Variants in SCFD1 observed in about 807,000 individuals in gnomAD.
The protein encoded by SCFD1 is sec1 family domain-containing protein 1.
In SCFD1, 37 loss-of-function variants were observed where a neutral mutation model predicts 103.2. The observed-to-expected ratio is 0.36, with a 90% CI of 0.28 to 0.47. The LOEUF is 0.47. SCFD1 is among the 20% of genes least tolerant of loss of function. SCFD1 has a pLI of 1.00. For missense variants in SCFD1, 639 were observed against 761.2 expected (o/e 0.84, Z 1.89); for synonymous variants, 264 against 245.0 (o/e 1.08, Z -0.73).
intron 4 of SCFD1, 128 bp from the exon 5 acceptor site, chr14:30,637,997 G>T: frequency 8.2e-7 from 1 of 1,225,288 alleles, no homozygotes. Context: ...TTTTCTCTTG[G>T]GATACTTTTT....
chr14:30,665,535 C>A (rs1594647059), intron 10 of SCFD1, among the ~76,000 whole-genome samples: 1 of 152,144 alleles, frequency 6.6e-6, no homozygotes, highest in African/African-American at 2.4e-5. Flanking sequence ...CAAATTCACA[C>A]ATAATAATAT....
intron 23 of SCFD1, among the ~76,000 whole-genome samples, chr14:30,724,677 A>C (rs900705176): frequency 2.0e-5 from 3 of 152,170 alleles, no homozygotes; most frequent in African/African-American, 7.2e-5. Context: ...TTTGCTATGT[A>C]GAAGCTCTTT....
intron 13 of SCFD1, among the ~76,000 whole-genome samples, chr14:30,674,609 T>C (rs1445279926): frequency 1.3e-5 from 2 of 151,786 alleles, no homozygotes; most frequent in African/African-American, 4.8e-5. Flanking sequence ...GATAGCACCA[T>C]TGCACTCCAG....
rs1344068947 is a variant in SCFD1 at position 30,731,568 on chromosome 14, A to G, written c.1837-3222A>G. The stretch of plus-strand genomic sequence containing the variant: ...AGTTCTCCTTGAAGAGGTCCTTCAC[A>G]TCCCTTGTAAGTTGGATTCCTAGGT... On this transcript the variant is annotated intron_variant, in intron 23 of 24. Coordinates refer to ENST00000458591, the MANE Select transcript of SCFD1 (RefSeq NM_016106.4). Among the ~76,000 whole-genome samples the G allele has an allele frequency of 2.6e-5, 4 of 152,116 alleles. No homozygotes were observed. The East Asian group carries it at 7.7e-4, about 29-fold the overall frequency.
intron 10 of SCFD1, chr14:30,658,275 G>T: frequency 1.2e-5 from 2 of 170,806 alleles, no homozygotes; most frequent in East Asian, 3.1e-4. Context: ...TAGACATAGG[G>T]ACTTTAATTA....
rs762608082 is a variant in SCFD1 at position 30,670,261 on chromosome 14, C to T, written c.861C>T (p.Phe287=). ...YQALVHDVLD[F]HLNRVNLEES... ...ACAAGATTACTTTTTCCTAGGATTT[C>T]CATTTAAACAGGGTTAATTTGGAAG... Residue 287 remains phenylalanine, a synonymous_variant, in exon 11 of 25, where the codon TTC becomes TTT. Transcript: ENST00000458591. 11 of 1,580,630 alleles carry T rather than the reference C, an allele frequency of 7.0e-6. No homozygotes were observed. The highest frequency in any genetic ancestry group is 9.4e-6 in the Non-Finnish European group (11 of 1,167,768).
chr14:30,728,822 T>A (rs1893232877), intron 23 of SCFD1, among the ~76,000 whole-genome samples: 1 of 151,504 alleles, frequency 6.6e-6, no homozygotes, highest in Non-Finnish European at 1.5e-5. Context: ...GAAATGTCTG[T>A]TTAGATCCTT....
chr14:30,720,927 A>T (rs2139409008), intron 21 of SCFD1, among the ~76,000 whole-genome samples: 1 of 152,326 alleles, frequency 6.6e-6, no homozygotes, highest in South Asian at 2.1e-4. Flanking sequence ...CATGGTAATG[A>T]GGAAGAATAT....
intron 14 of SCFD1, chr14:30,682,926 C>G (rs951450941): frequency 2.4e-6 from 1 of 419,416 alleles, no homozygotes; most frequent in Non-Finnish European, 4.2e-6. Context: ...ATTTAAAAGA[C>G]AAAAACAAAA....
intron 18 of SCFD1, among the ~76,000 whole-genome samples, 154 bp downstream of exon 18, chr14:30,706,039 T>C (rs557771562): frequency 6.6e-6 from 1 of 152,166 alleles, no homozygotes; most frequent in Non-Finnish European, 1.5e-5. Context: ...TGGTTTTTTT[T>C]TTCTATTTTT....
At chr14:30,728,230 T>C (rs1192366295) in intron 23 of SCFD1, among the ~76,000 whole-genome samples, 1 of 152,208 alleles carries the variant, frequency 6.6e-6, no homozygotes, top group Non-Finnish European at 1.5e-5. Context: ...CATTCCATCA[T>C]GCAACTCTGT....
intron 10 of SCFD1, among the ~76,000 whole-genome samples, chr14:30,654,351 T>C (rs1435334816): frequency 6.6e-6 from 1 of 152,176 alleles, no homozygotes; most frequent in Non-Finnish European, 1.5e-5. Context: ...CATATCATGA[T>C]AGTAAAGACT....
intron 16 of SCFD1, 30 bp downstream of exon 16, chr14:30,700,288 AG>A (rs1446019643): frequency 3.6e-6 from 5 of 1,396,040 alleles, no homozygotes; most frequent in Non-Finnish European, 5.1e-6. Flanking sequence ...ATTGGGAGGA[AG>A]GGGAATGCTT....
chr14:30,733,753 C>T (rs898074887), intron 23 of SCFD1, among the ~76,000 whole-genome samples: 3 of 152,146 alleles, frequency 2.0e-5, no homozygotes, highest in African/African-American at 7.2e-5. Flanking sequence ...TGTCATGTTC[C>T]CTTGGTTTCT....
chr14:30,648,975 CAAAAA>C (rs34928852), intron 7 of SCFD1, among the ~76,000 whole-genome samples: 2 of 99,506 alleles, frequency 2.0e-5, no homozygotes, highest in African/African-American at 7.2e-5. Context: ...CACCCCGTCT[CAAAAA>C]AAAAAAAAAA....
intron 10 of SCFD1, among the ~76,000 whole-genome samples, chr14:30,657,837 T>C (rs1887056215): frequency 6.6e-6 from 1 of 152,216 alleles, no homozygotes; most frequent in Non-Finnish European, 1.5e-5. Flanking sequence ...TAAATGTCTT[T>C]GCCTGAAAAT....
At chr14:30,706,754 T>TA (rs1891496343) in intron 18 of SCFD1, among the ~76,000 whole-genome samples, 1 of 152,182 alleles carries the variant, frequency 6.6e-6, no homozygotes, top group Non-Finnish European at 1.5e-5. Context: ...GCTTACTTTT[T>TA]AGAGCTAAAA....
intron 14 of SCFD1, chr14:30,683,362 T>C: frequency 1.8e-6 from 1 of 569,778 alleles, no homozygotes; most frequent in Non-Finnish European, 3.2e-6. Context: ...AGTGAGAGCT[T>C]ATGCTTATAC....
intron 11 of SCFD1, 101 bp from the exon 12 acceptor site, chr14:30,673,150 AATAAGT>A (rs1490113472): frequency 2.1e-6 from 1 of 485,920 alleles, no homozygotes; most frequent in Non-Finnish European, 3.7e-6. Flanking sequence ...TTCAAATCCA[AATAAGT>A]ATATTTAAAA....
Sources: allele counts gnomAD v4.1 joint callset (sites outside exome capture counted in the v4.1 genomes callset), GRCh38; gene constraint gnomAD v4.1.1; transcripts MANE v1.5; gene names NCBI Gene and HGNC (gene_info 2026-07-23, HGNC 2026-07-21).